GRM8: variants seen among roughly 807,000 people sequenced by gnomAD.
GRM8 encodes glutamate metabotropic receptor 8.
A neutral mutation model predicts 87.2 loss-of-function variants in GRM8; 47 were observed. The observed-to-expected ratio is 0.54, with a 90% CI of 0.43 to 0.69. The LOEUF (loss-of-function observed/expected upper bound fraction) is 0.69. Among genes scored for constraint, GRM8 ranks in the 30% least tolerant of loss-of-function variants. The pLI is 0.00. For missense variants in GRM8, 1,019 were observed against 1,139.2 expected (o/e 0.89, Z 1.52); for synonymous variants, 396 against 404.5 (o/e 0.98, Z 0.25).
chr7:126,749,328 A>T (rs1816110773), intron 7 of GRM8, among the ~76,000 whole-genome samples: 1 of 151,984 alleles, frequency 6.6e-6, no homozygotes, highest in Non-Finnish European at 1.5e-5. Context: ...TCACAGACTT[A>T]AATATAAGAG....
chr7:126,977,962 T>C (rs1811176899), intron 3 of GRM8, among the ~76,000 whole-genome samples: 1 of 151,952 alleles, frequency 6.6e-6, no homozygotes, highest in African/African-American at 2.4e-5. Flanking sequence ...ATAATAGAAA[T>C]AAATTGAAAA....
chr7:127,145,286 G>A (rs1342550321), intron 2 of GRM8, among the ~76,000 whole-genome samples: 1 of 152,092 alleles, frequency 6.6e-6, no homozygotes, highest in African/African-American at 2.4e-5. Context: ...TAGTCATAAT[G>A]TCATTCGCAA....
intron 3 of GRM8, among the ~76,000 whole-genome samples, chr7:126,985,809 C>T (rs767540658): frequency 7.9e-5 from 12 of 152,168 alleles, no homozygotes; most frequent in Non-Finnish European, 1.3e-4. Context: ...AGGTTCCTCA[C>T]TATCCAATCA....
At chr7:126,803,953 C>T (rs1490760019) in intron 6 of GRM8, among the ~76,000 whole-genome samples, 1 of 152,224 alleles carries the variant, frequency 6.6e-6, no homozygotes, top group African/African-American at 2.4e-5. Context: ...TGACTTAATG[C>T]AAGTCCCTGA....
At chr7:126,908,571 A>G (rs1339712722) in intron 3 of GRM8, among the ~76,000 whole-genome samples, 1 of 152,224 alleles carries the variant, frequency 6.6e-6, no homozygotes, top group South Asian at 2.1e-4. Context: ...ATAAAAAATT[A>G]AGTTCTGAAA....
At chr7:126,690,349 G>A (rs893687510) in intron 7 of GRM8, among the ~76,000 whole-genome samples, 5 of 152,318 alleles carry the variant, frequency 3.3e-5, no homozygotes, top group East Asian at 1.9e-4. Flanking sequence ...AGCCAGGCAC[G>A]CTGGCTGTGG....
intron 2 of GRM8, among the ~76,000 whole-genome samples, chr7:127,217,405 A>C (rs1796626268): frequency 1.3e-5 from 2 of 152,246 alleles, no homozygotes; most frequent in African/African-American, 2.4e-5. Context: ...GCATCCAGAC[A>C]GAAAAAGCAC....
At chr7:126,490,636 A>G (rs1562876176) in intron 9 of GRM8, among the ~76,000 whole-genome samples, 1 of 151,972 alleles carries the variant, frequency 6.6e-6, no homozygotes, top group Non-Finnish European at 1.5e-5. Flanking sequence ...TGGAGGCCCC[A>G]TGGACTCTAG....
intron 2 of GRM8, among the ~76,000 whole-genome samples, chr7:127,238,523 C>A: frequency 1.3e-5 from 2 of 152,202 alleles, no homozygotes; most frequent in Middle Eastern, 6.8e-3. Context: ...AAAAGCCTCC[C>A]AGGTAGTTTT....
At chr7:126,776,409 A>G (rs1819480918) in intron 6 of GRM8, among the ~76,000 whole-genome samples, 1 of 152,182 alleles carries the variant, frequency 6.6e-6, no homozygotes, top group South Asian at 2.1e-4. Flanking sequence ...CACCATGAAC[A>G]GTTTGAAAAA....
intron 6 of GRM8, among the ~76,000 whole-genome samples, chr7:126,802,514 C>T (rs1009273516): frequency 6.6e-6 from 1 of 151,986 alleles, no homozygotes; most frequent in African/African-American, 2.4e-5. Flanking sequence ...CATATATACA[C>T]AAGGGAATGA....
At chr7:126,840,945 C>A (rs2130580437) in intron 6 of GRM8, among the ~76,000 whole-genome samples, 1 of 152,260 alleles carries the variant, frequency 6.6e-6, no homozygotes, top group Admixed American at 6.5e-5. Context: ...TGCAAATAGA[C>A]ATGTATATAA....
At chr7:126,794,756 T>C (rs1197386013) in intron 6 of GRM8, among the ~76,000 whole-genome samples, 1 of 152,202 alleles carries the variant, frequency 6.6e-6, no homozygotes, top group Non-Finnish European at 1.5e-5. Flanking sequence ...TTAACCAGGA[T>C]GCTTGTTAAC....
intron 7 of GRM8, among the ~76,000 whole-genome samples, chr7:126,716,072 A>G (rs1258355618): frequency 6.6e-6 from 1 of 152,236 alleles, no homozygotes; most frequent in Non-Finnish European, 1.5e-5. Context: ...TCTAGAGCAG[A>G]CAGACATATA....
chr7:127,201,623 A>G (rs1795613169), intron 2 of GRM8, among the ~76,000 whole-genome samples: 1 of 152,220 alleles, frequency 6.6e-6, no homozygotes. Context: ...TCATGTTGCA[A>G]TAAAATGCAA....
chr7:126,627,106 T>A (rs980174400), intron 7 of GRM8, among the ~76,000 whole-genome samples: 1 of 152,232 alleles, frequency 6.6e-6, no homozygotes, highest in African/African-American at 2.4e-5. Flanking sequence ...GATAATATTA[T>A]CTGATACTAT....
intron 3 of GRM8, among the ~76,000 whole-genome samples, chr7:127,015,638 C>T (rs2132162915): frequency 6.6e-6 from 1 of 152,226 alleles, no homozygotes; most frequent in East Asian, 1.9e-4. Context: ...AAACATGAAT[C>T]TGGCTGCTTA....
chr7:126,586,947 T>A (rs912849399), intron 8 of GRM8, among the ~76,000 whole-genome samples: 9 of 152,068 alleles, frequency 5.9e-5, no homozygotes, highest in African/African-American at 2.2e-4. Flanking sequence ...AAAGGGCTAA[T>A]ATCCAGAATC....
At chr7:126,511,061 T>C (rs1023762661) in intron 9 of GRM8, 6 of 152,118 alleles carry the variant, frequency 3.9e-5, no homozygotes, top group African/African-American at 1.4e-4. Flanking sequence ...TTCATACTCA[T>C]CTACATATTG....
Sources: allele counts gnomAD v4.1 joint callset (sites outside exome capture counted in the v4.1 genomes callset), GRCh38; gene constraint gnomAD v4.1.1; transcripts MANE v1.5; gene names NCBI Gene and HGNC (gene_info 2026-07-23, HGNC 2026-07-21).